EPHB4: variants seen among roughly 807,000 people sequenced by gnomAD.
The protein encoded by EPHB4 is EPH receptor B4.
Under a neutral mutation model 110.6 loss-of-function variants are expected in EPHB4, and 50 were observed. The observed-to-expected ratio is 0.45, with a 90% CI of 0.36 to 0.57. The LOEUF is 0.57. Among genes scored for constraint, EPHB4 ranks in the 20% least tolerant of loss-of-function variants. The probability of loss-of-function intolerance (pLI) is 0.00; values close to 1 mark genes in which losing one functional copy is unlikely to be tolerated. For synonymous variants in EPHB4, 592 were observed against 578.4 expected, an observed-to-expected ratio of 1.02 and a Z score of -0.34; for missense variants, 1,128 against 1,382.1, an observed-to-expected ratio of 0.82 and a Z score of 2.91.
intron 1 of EPHB4, among the ~76,000 whole-genome samples, chr7:100,826,545 G>A (rs1247298731): frequency 1.3e-5 from 2 of 152,074 alleles, no homozygotes; most frequent in African/African-American, 2.4e-5. Context: ...TGGCGCTGGG[G>A]GTCGTTTTAG....
At chr7:100,806,670 C>A in intron 13 of EPHB4, 101 bp from the exon 14 acceptor site, 1 of 1,394,168 alleles carries the variant, frequency 7.2e-7, no homozygotes. Flanking sequence ...GCTTTTTCCC[C>A]CTAGCTCAGG....
At position 100,826,962 on chromosome 7, in the gene EPHB4, C is replaced by CT. The variant is rs1554421537; in HGVS notation, c.52+16_52+17insA. 1 of 1,527,348 alleles carries CT rather than the reference C, an allele frequency of 6.5e-7. No individual in the cohort carries two copies. Among genetic ancestry groups the CT allele is most frequent in the East Asian group, 2.5e-5 (1 of 40,530 alleles). 94.6% of individuals were successfully genotyped at this position (1,527,348 alleles called of 1,614,324 possible). A position where few individuals can be genotyped will look rare whatever the true frequency, so the allele number is the denominator to read the frequency against. On this transcript the variant is annotated intron_variant, in intron 1 of 16. Coordinates refer to ENST00000358173, the MANE Select transcript of EPHB4 (RefSeq NM_004444.5). ...CCAGGAGTGACGGGGTGCGCCCCCC[C>CT]CCGCAAGGAAACTCACCTTCCAAAG...
At chr7:100,807,612 G>T in intron 12 of EPHB4, 32 bp from the exon 13 acceptor site, 1 of 1,595,532 alleles carries the variant, frequency 6.3e-7, no homozygotes. Flanking sequence ...GGCTTGGTGA[G>T]GACAGCCCAC....
intron 12 of EPHB4, among the ~76,000 whole-genome samples, chr7:100,810,791 T>A (rs977670136): frequency 6.6e-6 from 1 of 152,016 alleles, no homozygotes; most frequent in Non-Finnish European, 1.5e-5. Flanking sequence ...CAAAGCCCGG[T>A]CTTGAACTGG....
intron 10 of EPHB4, chr7:100,813,449 G>T: frequency 1.5e-6 from 1 of 687,950 alleles, no homozygotes; most frequent in East Asian, 2.6e-5. Flanking sequence ...CTGAGTAGCT[G>T]GGATTACAGG....
intron 4 of EPHB4, among the ~76,000 whole-genome samples, chr7:100,820,642 C>G (rs1813201589): frequency 6.6e-6 from 1 of 152,088 alleles, no homozygotes; most frequent in Admixed American, 6.6e-5. Flanking sequence ...CACAGAAAGA[C>G]CTCTACTCCA....
chr7:100,824,506 C>T, intron 1 of EPHB4: 1 of 544,500 alleles, frequency 1.8e-6, no homozygotes, highest in South Asian at 2.2e-5. Flanking sequence ...TGGGATACCC[C>T]AGATCTAGGC....
intron 10 of EPHB4, 57 bp downstream of exon 10, chr7:100,813,595 T>C (rs1351893944): frequency 1.0e-5 from 16 of 1,593,310 alleles, no homozygotes; most frequent in Non-Finnish European, 1.4e-5. Context: ...GGATTATAGA[T>C]AGGAGCCACC....
At chr7:100,814,138 G>A in intron 8 of EPHB4, 117 bp from the exon 9 acceptor site, 1 of 1,096,658 alleles carries the variant, frequency 9.1e-7, no homozygotes, top group Non-Finnish European at 1.3e-6. Flanking sequence ...ACAGGGGACA[G>A]GTGGAGGGAG....
intron 10 of EPHB4, 164 bp downstream of exon 10, chr7:100,813,488 G>GT: frequency 2.6e-6 from 2 of 768,884 alleles, no homozygotes; most frequent in Admixed American, 4.7e-5. Context: ...GCTGACTGAT[G>GT]TATTTTTTAT....
chr7:100,811,402 T>C (rs1264621352), intron 12 of EPHB4, among the ~76,000 whole-genome samples: 3 of 152,156 alleles, frequency 2.0e-5, no homozygotes, highest in African/African-American at 4.8e-5. Flanking sequence ...TGAAATGATT[T>C]GTTTACTTTT....
At chr7:100,815,253 G>A (rs1418368873) in intron 8 of EPHB4, among the ~76,000 whole-genome samples, 2 of 151,362 alleles carry the variant, frequency 1.3e-5, no homozygotes, top group Non-Finnish European at 2.9e-5. Flanking sequence ...AGCCTGGGAG[G>A]TTGAGGCTGC....
chr7:100,818,020 CCGCGCCTGGCTA>C (rs1562971241), intron 7 of EPHB4, among the ~76,000 whole-genome samples: 6 of 151,810 alleles, frequency 4.0e-5, no homozygotes, highest in Non-Finnish European at 7.4e-5. Flanking sequence ...GCGCCTGCCA[CCGCGCCTGGCTA>C]ATTTTTTGTA....
rs564592489 is a variant in EPHB4 at position 100,824,447 on chromosome 7, T to C, written c.53-174A>G. ...CACCCGCCTGATTTCTGGCCTCTTC[T>C]GCTAAGTGCCAACCCCACCCCCAAC... is the stretch of plus-strand genomic sequence containing the variant. On this transcript the variant is annotated intron_variant, in intron 1 of 16. Transcript: ENST00000358173. The C allele has an allele frequency of 3.4e-4, 220 of 652,602 alleles. 1 individual carries two copies. The South Asian group carries it at 3.9e-3, about 11-fold the overall frequency. 40.4% of individuals were successfully genotyped at this position (652,602 alleles called of 1,614,324 possible).
Position 100,807,585 on chromosome 7 carries a change from A to G in EPHB4, c.2119-5T>C. ...TGTGAACTGTCCGTCGTTTAGCTGG[A>G]GAGCAGATAGGGTGGGGGCTTGGTG... On this transcript the variant is annotated splice_polypyrimidine_tract_variant and splice_region_variant and intron_variant, in intron 12 of 16. Coordinates refer to ENST00000358173, the MANE Select transcript of EPHB4 (RefSeq NM_004444.5). 1 of 1,611,576 alleles carries G rather than the reference A, an allele frequency of 6.2e-7. No individual in the cohort carries two copies. Among genetic ancestry groups the G allele is most frequent in the Non-Finnish European group, 8.5e-7 (1 of 1,178,174 alleles).
rs1306633479 is a variant in EPHB4 at position 100,822,991 on chromosome 7, T to TA, written c.412-325dup. Among the ~76,000 whole-genome samples the TA allele has an allele frequency of 4.6e-5, 7 of 152,096 alleles. No homozygotes were observed. Among genetic ancestry groups the TA allele is most frequent in the Admixed American group, 4.6e-4 (7 of 15,270 alleles). On this transcript the variant is annotated intron_variant, in intron 3 of 16. Transcript: ENST00000358173. The surrounding 1 kb of genome is among the most constrained non-coding windows in gnomAD (Gnocchi z 4.7). ...CGATGAATGAATCCTGGGGAAGTTA[T>TA]AAAGTACCATGAGGCCGGGCGTAGT...
In EPHB4 at chr7:100,822,676, G is replaced by A. The variant is rs369329535; in HGVS notation, c.412-9C>T. The A allele has an allele frequency of 6.2e-5, 95 of 1,534,366 alleles. No individual in the cohort carries two copies. The African/African-American group carries it at 8.6e-4, about 14-fold the overall frequency. ...GCGGCCACCGTGTCCACCTGCCGGC[G>A]GGGGGGAGGCACACCGCTGCTGTCC... On this transcript the variant is annotated splice_polypyrimidine_tract_variant and intron_variant, in intron 3 of 16. Transcript: ENST00000358173. This position sits in a 1 kb window ranked among gnomAD's most constrained non-coding sequence, Gnocchi z 4.7.
intron 13 of EPHB4, 47 bp downstream of exon 13, chr7:100,807,318 C>T: frequency 1.3e-6 from 2 of 1,595,558 alleles, no homozygotes; most frequent in East Asian, 2.2e-5. Context: ...CCTGCCCTGC[C>T]CACCTGGCCC....
At chr7:100,807,224 C>G (rs1380069516) in intron 13 of EPHB4, 141 bp downstream of exon 13, 9 of 795,146 alleles carry the variant, frequency 1.1e-5, no homozygotes, top group South Asian at 1.7e-5. Flanking sequence ...CTTCCTGGAG[C>G]TGACTGTCCC....
Sources: allele counts gnomAD v4.1 joint callset (sites outside exome capture counted in the v4.1 genomes callset), GRCh38; gene constraint gnomAD v4.1.1; non-coding constraint Gnocchi (gnomAD v3.1); transcripts MANE v1.5; gene names NCBI Gene and HGNC (gene_info 2026-07-23, HGNC 2026-07-21).